The following EHBP1 variants were observed in gnomAD, a reference collection of about 807,000 sequenced individuals.
The protein encoded by EHBP1 is EH domain binding protein 1.
EHBP1 carries 55 observed loss-of-function variants against 144.0 expected under a neutral mutation model. The ratio of observed to expected loss-of-function variants is 0.38; its 90% CI spans 0.31 to 0.48. The LOEUF is 0.48. EHBP1 is among the 20% of genes least tolerant of loss of function. The pLI is 0.98. For missense variants in EHBP1, 1,200 were observed against 1,364.2 expected, an observed-to-expected ratio of 0.88 and a Z score of 1.90; for synonymous variants, 469 against 472.7, an observed-to-expected ratio of 0.99 and a Z score of 0.10.
At chr2:62,713,005 CTG>C (rs917502015) in intron 2 of EHBP1, among the ~76,000 whole-genome samples, 2 of 151,952 alleles carry the variant, frequency 1.3e-5, no homozygotes, top group Admixed American at 6.6e-5. Flanking sequence ...GAATTTCTTG[CTG>C]TGTTTGAGTA....
intron 14 of EHBP1, among the ~76,000 whole-genome samples, chr2:62,970,470 A>G (rs2058448664): frequency 6.6e-6 from 1 of 152,104 alleles, no homozygotes; most frequent in Non-Finnish European, 1.5e-5. Context: ...ATGGATACAA[A>G]CTACATTGTT....
chr2:62,681,838 A>T (rs915045656), intron 1 of EHBP1, among the ~76,000 whole-genome samples: 6 of 152,214 alleles, frequency 3.9e-5, no homozygotes, highest in Admixed American at 3.9e-4. Context: ...TTTATCCCAG[A>T]GAAAAAGTGT....
chr2:62,916,054 T>A (rs1205934624), intron 10 of EHBP1, among the ~76,000 whole-genome samples: 1 of 152,144 alleles, frequency 6.6e-6, no homozygotes, highest in Non-Finnish European at 1.5e-5. Flanking sequence ...GGTGTGGTAG[T>A]GCACATGTGT....
At position 62,692,433 on chromosome 2, in the gene EHBP1, C is replaced by A. The variant is rs557003848; in HGVS notation, c.-295-14464C>A. Reference sequence around the variant, plus strand: ...CTGAGTCATAGTAGCTCTACATTTACCATTTTGAGGAATTGCCAAACTGGT... The same window carrying A: ...CTGAGTCATAGTAGCTCTACATTTAACATTTTGAGGAATTGCCAAACTGGT... On this transcript the variant is annotated intron_variant, in intron 1 of 22. Transcript: ENST00000405015. Among the ~76,000 whole-genome samples the A allele has an allele frequency of 1.2e-4, 18 of 152,292 alleles. No individual in the cohort carries two copies. In the South Asian group the frequency reaches 1.9e-3, roughly 16 times the overall value.
At chr2:62,998,042 C>CT (rs148716288) in intron 19 of EHBP1, among the ~76,000 whole-genome samples, 1 of 151,904 alleles carries the variant, frequency 6.6e-6, no homozygotes. Context: ...ACCAAAAATA[C>CT]TTTTTAAAAA....
At chr2:62,942,673 T>G (rs187899333) in intron 10 of EHBP1, 45 bp from the exon 11 acceptor site, 301 of 1,482,262 alleles carry the variant, frequency 2.0e-4, no homozygotes, top group Non-Finnish European at 2.7e-4. Context: ...ATTTTCATCT[T>G]CCATTAAATT....
intron 14 of EHBP1, among the ~76,000 whole-genome samples, chr2:62,960,900 A>G (rs746495308): frequency 2.2e-4 from 33 of 152,204 alleles, no homozygotes; most frequent in Admixed American, 2.2e-3. Flanking sequence ...CGAATCGTAC[A>G]TTATGATACC....
intron 2 of EHBP1, among the ~76,000 whole-genome samples, chr2:62,737,771 G>GT (rs898759447): frequency 5.1e-4 from 77 of 151,166 alleles, no homozygotes; most frequent in East Asian, 1.4e-3. Flanking sequence ...AAAAAAAAGA[G>GT]TTTTTTTTTA....
intron 10 of EHBP1, among the ~76,000 whole-genome samples, chr2:62,913,954 G>A (rs2054413678): frequency 6.6e-6 from 1 of 152,132 alleles, no homozygotes; most frequent in Admixed American, 6.6e-5. Context: ...GAAAAGAGGG[G>A]TTGGATAGAT....
At chr2:62,907,788 C>T (rs534573812) in intron 10 of EHBP1, among the ~76,000 whole-genome samples, 1 of 152,306 alleles carries the variant, frequency 6.6e-6, no homozygotes, top group African/African-American at 2.4e-5. Flanking sequence ...TGATATCTGT[C>T]TGTCCTCTTT....
chr2:62,787,394 G>GC (rs72201800), intron 5 of EHBP1, among the ~76,000 whole-genome samples: 3,236 of 70,354 alleles, frequency 0.046, 105 homozygotes, highest in Admixed American at 0.079. Context: ...CTGCACCGCT[G>GC]CCCCCCCCCC....
chr2:62,900,703 T>TATATATATATATATA (rs1558881616), intron 10 of EHBP1, among the ~76,000 whole-genome samples: 2 of 150,462 alleles, frequency 1.3e-5, no homozygotes, highest in African/African-American at 4.9e-5. Flanking sequence ...TATATATATA[T>TATATATATATATATA]TTTCTTTCTC....
At chr2:62,744,346 C>T (rs2038967470) in intron 2 of EHBP1, among the ~76,000 whole-genome samples, 2 of 151,910 alleles carry the variant, frequency 1.3e-5, no homozygotes, top group Non-Finnish European at 2.9e-5. Context: ...TTGGAGAAAA[C>T]GCTCATAACT....
At chr2:62,735,762 T>C (rs958179679) in intron 2 of EHBP1, among the ~76,000 whole-genome samples, 5 of 152,200 alleles carry the variant, frequency 3.3e-5, no homozygotes, top group Admixed American at 1.3e-4. Flanking sequence ...TTATTTTTCT[T>C]TGACTTTTGA....
chr2:62,806,958 T>C lies in EHBP1; in HGVS notation c.313-19129T>C, dbSNP rs557170747. Among the ~76,000 whole-genome samples the C allele has an allele frequency of 7.2e-5, 11 of 152,316 alleles. No individual in the cohort carries two copies. In the South Asian group the frequency reaches 2.3e-3, roughly 32 times the overall value. On this transcript the variant is annotated intron_variant, in intron 5 of 22. Coordinates refer to ENST00000431489, the MANE Select transcript of EHBP1 (RefSeq NM_001142616.3). ...ACATTTATAGTCACCCCTCAGTATC[T>C]GCAGGGATTGGTTCCAGGACCCCCT...
At chr2:62,759,427 A>G (rs374875271) in intron 3 of EHBP1, among the ~76,000 whole-genome samples, 2 of 152,066 alleles carry the variant, frequency 1.3e-5, no homozygotes, top group South Asian at 2.1e-4. Flanking sequence ...TTTTTTTGAG[A>G]TGGAGTCTCG....
intron 14 of EHBP1, among the ~76,000 whole-genome samples, chr2:62,973,794 G>A (rs1169459041): frequency 6.6e-6 from 1 of 152,088 alleles, no homozygotes; most frequent in Non-Finnish European, 1.5e-5. Context: ...GAGCCCATGA[G>A]TTTGAGACCA....
At chr2:62,744,058 G>C (rs1335420695) in intron 2 of EHBP1, among the ~76,000 whole-genome samples, 1 of 152,096 alleles carries the variant, frequency 6.6e-6, no homozygotes, top group East Asian at 1.9e-4. Context: ...TTCCTTCCTT[G>C]AACAAGCCAA....
intron 19 of EHBP1, among the ~76,000 whole-genome samples, chr2:63,008,740 T>C (rs1212527374): frequency 6.6e-6 from 1 of 151,536 alleles, no homozygotes; most frequent in Non-Finnish European, 1.5e-5. Flanking sequence ...ATTATTAAAG[T>C]AATAAACCAG....
Sources: gnomAD v4.1 joint callset for allele counts (sites outside exome capture counted in the v4.1 genomes callset) on GRCh38, gnomAD v4.1.1 for gene constraint, MANE v1.5 for transcripts, NCBI Gene and HGNC (gene_info 2026-07-23, HGNC 2026-07-21) for gene names.